The following CCDC171 variants were observed in gnomAD, a reference collection of about 807,000 sequenced individuals.
CCDC171 encodes coiled-coil domain containing 171.
A neutral mutation model predicts 168.2 loss-of-function variants in CCDC171; 177 were observed. That is an observed-to-expected ratio of 1.05 (90% CI 0.93 to 1.19). The LOEUF is 1.19. Among genes scored for constraint, CCDC171 ranks in the 50% most tolerant of loss-of-function variants. The probability of loss-of-function intolerance (pLI) is 0.00; values close to 1 mark genes in which losing one functional copy is unlikely to be tolerated. For missense variants in CCDC171, 1,991 were observed against 1,539.0 expected (o/e 1.29, Z -4.91); for synonymous variants, 687 against 540.8 (o/e 1.27, Z -3.75).
At chr9:15,846,198 C>G (rs1241422354) in intron 21 of CCDC171, among the ~76,000 whole-genome samples, 1 of 152,010 alleles carries the variant, frequency 6.6e-6, no homozygotes, top group Non-Finnish European at 1.5e-5. Flanking sequence ...AGCCACCTAA[C>G]TATATATTTA....
rs570644116 is a variant in CCDC171, at chr9:15,860,301, C to G, written c.3468+11354C>G. ...AATCTTTATTATTTCCTTCCTTCTG[C>G]TAATTTTGGGTTTAGTTTGTTCTTC... On this transcript the variant is annotated intron_variant, in intron 23 of 25. Coordinates refer to ENST00000380701, the MANE Select transcript of CCDC171 (RefSeq NM_173550.4). Among the ~76,000 whole-genome samples, 37 of 151,318 alleles carry G rather than the reference C, an allele frequency of 2.4e-4. 1 individual carries two copies. The highest frequency in any genetic ancestry group is 9.0e-4 in the African/African-American group (37 of 41,240).
At chr9:15,756,030 CA>C (rs2056090648) in intron 18 of CCDC171, among the ~76,000 whole-genome samples, 1 of 152,100 alleles carries the variant, frequency 6.6e-6, no homozygotes, top group South Asian at 2.1e-4. Context: ...GTCAGGAAGG[CA>C]AAAGCTTTCC....
chr9:15,712,320 C>T (rs952775867), intron 11 of CCDC171, among the ~76,000 whole-genome samples: 9 of 152,222 alleles, frequency 5.9e-5, no homozygotes, highest in Non-Finnish European at 1.2e-4. Context: ...CCCCTTTTCT[C>T]CTTCCTCCTT....
chr9:15,609,922 G>A (rs1459157350), intron 6 of CCDC171, among the ~76,000 whole-genome samples: 2 of 151,966 alleles, frequency 1.3e-5, no homozygotes, highest in African/African-American at 2.4e-5. Context: ...AGATCATTTT[G>A]ACATAAAGTT....
At chr9:15,698,370 A>T (rs2051387685) in intron 11 of CCDC171, among the ~76,000 whole-genome samples, 1 of 151,932 alleles carries the variant, frequency 6.6e-6, no homozygotes, top group Non-Finnish European at 1.5e-5. Flanking sequence ...AAATACAAAA[A>T]ATTAGCCAGG....
chr9:15,986,680 G>A (rs1431594895), intron 3 of CCDC171, among the ~76,000 whole-genome samples: 1 of 152,124 alleles, frequency 6.6e-6, no homozygotes, highest in Non-Finnish European at 1.5e-5. Context: ...TTTAGACATG[G>A]CACTCTGTAA....
rs1051713306 is a variant in CCDC171 at position 16,027,056 on chromosome 9, C to T, written n.998+4148C>T. On this transcript the variant is annotated intron_variant and non_coding_transcript_variant, in intron 6 of 9. Coordinates refer to the CCDC171 transcript ENST00000486641. ...TGCCTTGATATTGCACTTGGTGATG[C>T]AGGGCAGAAGTAGTTTGGTGGTTTC... is the stretch of plus-strand genomic sequence containing the variant. Among the ~76,000 whole-genome samples, 6 of 152,262 alleles carry T rather than the reference C, an allele frequency of 3.9e-5. No individual in the cohort carries two copies. The East Asian group carries it at 1.2e-3, about 29-fold the overall frequency.
chr9:15,944,724 T>C (rs978872955), intron 25 of CCDC171, among the ~76,000 whole-genome samples: 1 of 151,978 alleles, frequency 6.6e-6, no homozygotes, highest in Non-Finnish European at 1.5e-5. Context: ...CAATTGAGGA[T>C]AGACATAATT....
chr9:15,937,600 A>T (rs1203382726), intron 25 of CCDC171, among the ~76,000 whole-genome samples: 1 of 152,000 alleles, frequency 6.6e-6, no homozygotes, highest in Non-Finnish European at 1.5e-5. Flanking sequence ...ACATTATTTT[A>T]AAAGTCATTA....
the CCDC171 span, among the ~76,000 whole-genome samples, chr9:16,075,871 A>G: frequency 6.6e-6 from 1 of 152,150 alleles, no homozygotes; most frequent in Non-Finnish European, 1.5e-5. Flanking sequence ...AGCACAGCAC[A>G]GCACAGCATA....
chr9:15,822,377 A>G (rs963991078), intron 21 of CCDC171, among the ~76,000 whole-genome samples: 2 of 151,630 alleles, frequency 1.3e-5, no homozygotes, highest in African/African-American at 4.9e-5. Context: ...AAAAGAAACT[A>G]CCATCAGAGT....
In CCDC171 at chr9:15,818,662, G is replaced by A. The variant is rs1440122468; in HGVS notation, c.3268-28040G>A. On this transcript the variant is annotated intron_variant, in intron 21 of 25. Coordinates refer to ENST00000380701, the MANE Select transcript of CCDC171 (RefSeq NM_173550.4). ...TTAGAGAAAAAAGAATAAAAGAAACGAACAAAGCCTCCAAGAAATATGGGA... is the reference window on the plus strand; with the variant it reads ...TTAGAGAAAAAAGAATAAAAGAAACAAACAAAGCCTCCAAGAAATATGGGA... Among the ~76,000 whole-genome samples, 12 of 117,360 alleles carry A rather than the reference G, an allele frequency of 1.0e-4. 3 individuals carry two copies. The highest frequency in any genetic ancestry group is 1.9e-4 in the African/African-American group (6 of 31,164). The allele number at this position is 117,360 out of a possible 152,430, so 77.0% of individuals were successfully genotyped here.
intron 7 of CCDC171, among the ~76,000 whole-genome samples, chr9:15,646,737 T>C (rs1435793793): frequency 1.3e-5 from 2 of 152,102 alleles, no homozygotes; most frequent in East Asian, 3.9e-4. Flanking sequence ...ACAGGAGCAC[T>C]CAGATTCATA....
intron 18 of CCDC171, among the ~76,000 whole-genome samples, chr9:15,773,456 T>C (rs2057119172): frequency 6.6e-6 from 1 of 152,236 alleles, no homozygotes. Context: ...GCCCTAGATG[T>C]ACATTTTTCC....
chr9:15,934,078 AAGACAATCTAAT>A (rs1826827954), intron 25 of CCDC171, among the ~76,000 whole-genome samples: 2 of 151,892 alleles, frequency 1.3e-5, no homozygotes, highest in Admixed American at 1.3e-4. Context: ...CAACAACAAA[AAGACAATCTAAT>A]TTTTAAAAAA....
At chr9:15,970,438 A>C (rs145188269) in intron 25 of CCDC171, among the ~76,000 whole-genome samples, 2 of 151,884 alleles carry the variant, frequency 1.3e-5, no homozygotes, top group East Asian at 3.9e-4. Flanking sequence ...TATGATTTTT[A>C]GTGGAGATAC....
At chr9:15,887,870 G>C (rs1279672646) in intron 24 of CCDC171, 1 of 151,798 alleles carries the variant, frequency 6.6e-6, no homozygotes. Flanking sequence ...ACAAGTCTGG[G>C]CCAACTCTTA....
chr9:15,960,767 G>A (rs570984000), intron 25 of CCDC171, among the ~76,000 whole-genome samples: 4 of 152,256 alleles, frequency 2.6e-5, no homozygotes, highest in African/African-American at 9.6e-5. Context: ...TCTTACATCT[G>A]AAGTACCTTT....
intron 24 of CCDC171, among the ~76,000 whole-genome samples, chr9:15,912,820 G>A (rs1823904042): frequency 6.6e-6 from 1 of 152,074 alleles, no homozygotes; most frequent in African/African-American, 2.4e-5. Context: ...CATTGGTTTT[G>A]TTTATGTGAT....
Sources: allele counts gnomAD v4.1 joint callset (sites outside exome capture counted in the v4.1 genomes callset), GRCh38; gene constraint gnomAD v4.1.1; transcripts MANE v1.5; gene names NCBI Gene and HGNC (gene_info 2026-07-23, HGNC 2026-07-21).